The following CACNA1H variants were observed in gnomAD, a reference collection of about 807,000 sequenced individuals.
CACNA1H encodes the protein calcium voltage-gated channel subunit alpha1 H.
A neutral mutation model predicts 192.5 loss-of-function variants in CACNA1H; 149 were observed. The ratio of observed to expected loss-of-function variants is 0.77; its 90% CI spans 0.68 to 0.89. CACNA1H has a LOEUF of 0.89. Among genes scored for constraint, CACNA1H ranks in the 40% least tolerant of loss-of-function variants. CACNA1H has a pLI of 0.00. For synonymous variants in CACNA1H, 2,202 were observed against 1,475.2 expected (o/e 1.49, Z -11.29); for missense variants, 4,257 against 3,423.5 (o/e 1.24, Z -6.08).
At chr16:1,193,704 A>G (rs1352791956) in intron 2 of CACNA1H, among the ~76,000 whole-genome samples, 3 of 152,164 alleles carry the variant, frequency 2.0e-5, no homozygotes, top group African/African-American at 7.2e-5. Flanking sequence ...CTTGGTGGGA[A>G]TATGTAATTA....
chr16:1,203,967 C>T (rs1322259956), intron 9 of CACNA1H, 43 bp from the exon 10 acceptor site: 2 of 1,412,038 alleles, frequency 1.4e-6, no homozygotes, highest in African/African-American at 1.4e-5. Context: ...CTTGTGGCAG[C>T]ACCACTGAGT....
At chr16:1,187,490 A>T (rs1273127973) in intron 2 of CACNA1H, among the ~76,000 whole-genome samples, 27 of 152,242 alleles carry the variant, frequency 1.8e-4, no homozygotes, top group Admixed American at 1.8e-3. Flanking sequence ...CCCCTGGCTC[A>T]GGCCGCTTGT....
intron 2 of CACNA1H, among the ~76,000 whole-genome samples, chr16:1,173,466 C>T (rs183222804): frequency 6.6e-6 from 1 of 152,364 alleles, no homozygotes; most frequent in African/African-American, 2.4e-5. Flanking sequence ...CTCTCTCTCG[C>T]TATTTACTTT....
rs1966859560 is a variant in CACNA1H at position 1,195,155 on chromosome 16, G to T, written c.411+72G>T. The T allele has an allele frequency of 2.6e-5, 28 of 1,069,954 alleles. 1 individual carries two copies. In the South Asian group the frequency reaches 3.9e-4, roughly 15 times the overall value. The allele number at this position is 1,069,954 out of a possible 1,614,324, so 66.3% of individuals were successfully genotyped here. A position where few individuals can be genotyped will look rare whatever the true frequency, so the allele number is the denominator to read the frequency against. On this transcript the variant is annotated intron_variant, in intron 3 of 34. Transcript: ENST00000348261. The stretch of plus-strand genomic sequence containing the variant: ...GGTTTATGGTTCAAGGCGGAGTGGG[G>T]CGGGGGCGGGGCAAGGTTCAAGGTG...
At chr16:1,164,183 T>A (rs978763687) in intron 2 of CACNA1H, among the ~76,000 whole-genome samples, 2 of 152,132 alleles carry the variant, frequency 1.3e-5, no homozygotes, top group African/African-American at 2.4e-5. Context: ...TCAGTTATGT[T>A]TGGATTTCAG....
Position 1,209,532 on chromosome 16 carries a change from G to T in CACNA1H, c.3744+120G>T, listed in dbSNP as rs558238994. ...TGTTGACTGAGGGGATTCAGAAGGG[G>T]AGAGAAGCAGGCCAGGCCAGGGAGG... On this transcript the variant is annotated intron_variant, in intron 17 of 34. Transcript: ENST00000348261. 1.7e-5 allele frequency: 21 copies of T among 1,267,084 alleles called. No homozygotes were observed. The Middle Eastern group carries it at 6.2e-4, about 37-fold the overall frequency. The allele number at this position is 1,267,084 out of a possible 1,614,324, so 78.5% of individuals were successfully genotyped here. A position where few individuals can be genotyped will look rare whatever the true frequency, so the allele number is the denominator to read the frequency against.
chr16:1,218,885 G>A, intron 33 of CACNA1H, 85 bp from the exon 34 acceptor site: 1 of 1,381,598 alleles, frequency 7.2e-7, no homozygotes, highest in African/African-American at 1.4e-5. Context: ...GAGGATGGTG[G>A]CAGGTTGGGG....
intron 9 of CACNA1H, among the ~76,000 whole-genome samples, chr16:1,202,836 A>G (rs575250656): frequency 1.3e-5 from 2 of 152,038 alleles, no homozygotes; most frequent in African/African-American, 2.4e-5. Flanking sequence ...CTTCGTGGCC[A>G]TTGAGGCTGG....
Position 1,202,379 on chromosome 16 carries a change from CG to C in CACNA1H, c.1935del (p.His646ThrfsTer4), listed in dbSNP as rs1555512250. ...AGTGGGCCGGTGGACCGCCAGGCAC[CG>C]GGGGGCACGGCCCGTTGAGCTTGAA... is the stretch of plus-strand genomic sequence containing the variant. Reference protein sequence around the residue: ...GKWAGGPPGTGGHGPLSLNSP... With the variant: ...GKWAGGPPGTXGHGPLSLNSP... On this transcript the variant is annotated frameshift_variant, in exon 9 of 35. Coordinates refer to ENST00000348261, the MANE Select transcript of CACNA1H (RefSeq NM_021098.3). LOFTEE classifies it high-confidence loss of function. 3.9e-6 allele frequency: 6 copies of C among 1,551,664 alleles called. No individual in the cohort carries two copies. Among genetic ancestry groups the C allele is most frequent in the Non-Finnish European group, 2.6e-6 (3 of 1,149,480 alleles).
intron 16 of CACNA1H, among the ~76,000 whole-genome samples, chr16:1,208,726 C>T (rs1041134982): frequency 2.0e-5 from 3 of 152,180 alleles, no homozygotes; most frequent in Admixed American, 6.5e-5. Flanking sequence ...GAGGCAGAGC[C>T]GCAGGCCCAG....
chr16:1,186,588 C>G (rs968601305), intron 2 of CACNA1H, among the ~76,000 whole-genome samples: 1 of 152,104 alleles, frequency 6.6e-6, no homozygotes, highest in Non-Finnish European at 1.5e-5. Flanking sequence ...ACACACATGC[C>G]CCTCGAGATG....
intron 11 of CACNA1H, 90 bp downstream of exon 11, chr16:1,205,355 A>G (rs1968562001): frequency 7.4e-7 from 1 of 1,349,022 alleles, no homozygotes; most frequent in Middle Eastern, 1.9e-4. Flanking sequence ...CCCAGAGCAC[A>G]GGAGGAAGTA....
rs75809241 is a variant in CACNA1H at position 1,185,039 on chromosome 16, C to T, written c.300-9933C>T. The stretch of plus-strand genomic sequence containing the variant: ...AGGAAACCGCATCCCCATCAGCCCT[C>T]GCTGCCCAGCCCTGGTGGTCTCTAC... On this transcript the variant is annotated intron_variant, in intron 2 of 34. Transcript: ENST00000348261. Among the ~76,000 whole-genome samples, 530 of 152,326 alleles carry T rather than the reference C, an allele frequency of 3.5e-3. 5 individuals carry two copies. The highest frequency in any genetic ancestry group is 0.012 in the African/African-American group (492 of 41,574).
intron 32 of CACNA1H, 78 bp downstream of exon 32, chr16:1,218,118 G>A (rs898662367): frequency 1.7e-5 from 26 of 1,543,050 alleles, no homozygotes; most frequent in Admixed American, 1.5e-4. Flanking sequence ...GGTCGGATCC[G>A]TCCTTGCAGG....
At position 1,184,695 on chromosome 16, in the gene CACNA1H, C is replaced by T. The variant is rs555318360; in HGVS notation, c.300-10277C>T. Among the ~76,000 whole-genome samples, 18 of 152,342 alleles carry T rather than the reference C, an allele frequency of 1.2e-4. No individual in the cohort carries two copies. In the South Asian group the frequency reaches 1.9e-3, roughly 16 times the overall value. ...TTCTGCTCAGCGAGAGTGGAGGCCA[C>T]GTGGCAGGAGGAGGAGACACCCCCA... On this transcript the variant is annotated intron_variant, in intron 2 of 34. Transcript: ENST00000348261.
At chr16:1,211,647 C>T in intron 23 of CACNA1H, 41 bp downstream of exon 23, 1 of 1,609,296 alleles carries the variant, frequency 6.2e-7, no homozygotes, top group Non-Finnish European at 8.5e-7. Flanking sequence ...GTCTCCAGGA[C>T]ACCCTGGAGC....
intron 33 of CACNA1H, 50 bp downstream of exon 33, chr16:1,218,701 A>C: frequency 1.1e-6 from 1 of 926,002 alleles, no homozygotes; most frequent in Non-Finnish European, 1.5e-6. Context: ...CAGGACAGGG[A>C]GGAAGATGGG....
In CACNA1H at chr16:1,175,227, C is replaced by A. The variant is rs778305789; in HGVS notation, c.300-19745C>A. Among the ~76,000 whole-genome samples, 4 of 152,156 alleles carry A rather than the reference C, an allele frequency of 2.6e-5. 1 individual carries two copies. The South Asian group carries it at 6.2e-4, about 24-fold the overall frequency. ...GTGCGCACAGGTTAATGTCCACAGCCCTTATGTGGTGTGAGGCTCTACTGT... is the reference window on the plus strand; with the variant it reads ...GTGCGCACAGGTTAATGTCCACAGCACTTATGTGGTGTGAGGCTCTACTGT... On this transcript the variant is annotated intron_variant, in intron 2 of 34. Coordinates refer to ENST00000348261, the MANE Select transcript of CACNA1H (RefSeq NM_021098.3).
At chr16:1,206,913 T>TCCCCCC in intron 12 of CACNA1H, 88 bp from the exon 13 acceptor site, 1 of 70,702 alleles carries the variant, frequency 1.4e-5, no homozygotes, top group Non-Finnish European at 2.7e-5. Flanking sequence ...TGCCCCTCCC[T>TCCCCCC]CCTCCCACCC....
Sources: gnomAD v4.1 joint callset for allele counts (sites outside exome capture counted in the v4.1 genomes callset) on GRCh38, gnomAD v4.1.1 for gene constraint, MANE v1.5 for transcripts, NCBI Gene and HGNC (gene_info 2026-07-23, HGNC 2026-07-21) for gene names.